The following CX3CL1 variants were observed in gnomAD, a reference collection of about 807,000 sequenced individuals.
CX3CL1 encodes the protein C-X3-C motif chemokine ligand 1.
In CX3CL1, 1 loss-of-function variant was observed where a neutral mutation model predicts 14.1. That is an observed-to-expected ratio of 0.07 (90% CI 0.03 to 0.34). CX3CL1 has a LOEUF of 0.34. Ranked by LOEUF, CX3CL1 falls within the 10% of genes least tolerant of loss-of-function variation. The pLI is 0.99. For missense variants in CX3CL1, 505 were observed against 536.4 expected (o/e 0.94, Z 0.58); for synonymous variants, 255 against 229.6 (o/e 1.11, Z -1.00).
chr16:57,375,197 G>A (rs1274638118), intron 1 of CX3CL1, among the ~76,000 whole-genome samples: 1 of 151,760 alleles, frequency 6.6e-6, no homozygotes, highest in African/African-American at 2.4e-5. Flanking sequence ...GGAGAAGAGA[G>A]GTGTTGACAT....
At chr16:57,376,734 G>C (rs73559231) in intron 1 of CX3CL1, among the ~76,000 whole-genome samples, 2,501 of 152,034 alleles carry the variant, frequency 0.016, 77 homozygotes, top group African/African-American at 0.057. Flanking sequence ...GATAAGAGTG[G>C]GTGGACGGGT....
intron 2 of CX3CL1, among the ~76,000 whole-genome samples, chr16:57,380,385 C>T (rs1029697571): frequency 1.3e-5 from 2 of 152,024 alleles, no homozygotes; most frequent in African/African-American, 4.8e-5. Context: ...CGGTGAAACC[C>T]CATCTCTACT....
At position 57,372,623 on chromosome 16, in the gene CX3CL1, A is replaced by G. The variant is rs1461480949; in HGVS notation, c.55A>G (p.Thr19Ala). 2.5e-6 allele frequency: 4 copies of G among 1,613,480 alleles called. No individual in the cohort carries two copies. The highest frequency in any genetic ancestry group is 3.4e-6 in the Non-Finnish European group (4 of 1,179,934). Residue 19 changes from threonine to alanine, a missense_variant, in exon 1 of 3, where the codon ACT becomes GCT. Physicochemically the swap from Thr to Ala is moderately conservative, Grantham distance 58. Coordinates refer to ENST00000006053, the MANE Select transcript of CX3CL1 (RefSeq NM_002996.6). The stretch of plus-strand genomic sequence containing the variant: ...CCGCTTGGCCACCTTCTGCCATCTG[A>G]CTGTCCTGCTGGCTGGTAAGTGGGG... ...LLRLATFCHL[T>A]VLLAGQHHGV...
At chr16:57,377,710 C>G (rs1400373950) in intron 1 of CX3CL1, 1 of 152,100 alleles carries the variant, frequency 6.6e-6, no homozygotes, top group Non-Finnish European at 1.5e-5. Context: ...GGGGGTTTCC[C>G]AGGCTCTGAA....
At chr16:57,376,240 G>T (rs1267954901) in intron 1 of CX3CL1, among the ~76,000 whole-genome samples, 3 of 152,250 alleles carry the variant, frequency 2.0e-5, no homozygotes, top group Admixed American at 6.5e-5. Flanking sequence ...ACCCAGCACA[G>T]GGCCTGGCAA....
At chr16:57,375,077 T>C (rs1902227867) in intron 1 of CX3CL1, among the ~76,000 whole-genome samples, 1 of 149,990 alleles carries the variant, frequency 6.7e-6, no homozygotes, top group Admixed American at 6.6e-5. Context: ...GAGGCAGAGG[T>C]TGGAGTGAGC....
Position 57,382,350 on chromosome 16 carries a change from CG to C in CX3CL1, c.513del (p.Thr172ArgfsTer257), listed in dbSNP as rs1402014624. 1 of 1,609,894 alleles carries C rather than the reference CG, an allele frequency of 6.2e-7. No homozygotes were observed. Among genetic ancestry groups the C allele is most frequent in the African/African-American group, 1.3e-5 (1 of 74,922 alleles). On this transcript the variant is annotated frameshift_variant, in exon 3 of 3. Transcript: ENST00000006053. LOFTEE classifies it low-confidence loss of function (END_TRUNC). The surrounding 1 kb of genome is among the most constrained non-coding windows in gnomAD (Gnocchi z 6.9). ...GGTTCCTCAGGGACCAGGCTCCCCC[CG>C]ACGCCAAAGGCTCAGGATGGAGGGC... Reference protein sequence around the residue: ...VTGSSGTRLPPTPKAQDGGPV... With the variant: ...VTGSSGTRLPXTPKAQDGGPV...
chr16:57,379,163 C>T (rs1449383828), intron 1 of CX3CL1: 1 of 158,042 alleles, frequency 6.3e-6, no homozygotes, highest in African/African-American at 2.4e-5. Context: ...CCCGTCTCTA[C>T]TAAAAATACA....
intron 1 of CX3CL1, 140 bp downstream of exon 1, chr16:57,372,778 C>T (rs943839695): frequency 4.1e-5 from 31 of 764,620 alleles, no homozygotes; most frequent in Non-Finnish European, 5.3e-5. Context: ...CAGGGATGTG[C>T]GAGAGGGGGC....
chr16:57,373,008 G>A (rs766770344), intron 1 of CX3CL1, among the ~76,000 whole-genome samples: 12 of 152,166 alleles, frequency 7.9e-5, no homozygotes, highest in Admixed American at 2.6e-4. Context: ...GGCTGACAGT[G>A]GCTGGCTCTT....
At position 57,375,765 on chromosome 16, in the gene CX3CL1, T is replaced by C. The variant is rs186136439; in HGVS notation, c.70+3127T>C. ...GACCCTGGAAGACTCTTAGAAGTCC[T>C]TGAGGTCCAGCCTAAAGGAGAATTC... is the stretch of plus-strand genomic sequence containing the variant. On this transcript the variant is annotated intron_variant, in intron 1 of 2. Coordinates refer to ENST00000006053, the MANE Select transcript of CX3CL1 (RefSeq NM_002996.6). 5.0e-3 allele frequency among the ~76,000 whole-genome samples: 760 copies of C among 152,318 alleles called. 7 individuals carry two copies. Among genetic ancestry groups the C allele is most frequent in the Admixed American group, 9.1e-3 (139 of 15,296 alleles).
chr16:57,379,483 G>C, intron 1 of CX3CL1, 151 bp from the exon 2 acceptor site: 3 of 805,834 alleles, frequency 3.7e-6, no homozygotes, highest in Non-Finnish European at 5.7e-6. Flanking sequence ...AAGTTTGGCA[G>C]GGGAGGGAGG....
chr16:57,381,966 C>T (rs1027161890), intron 2 of CX3CL1, 64 bp from the exon 3 acceptor site: 4 of 1,504,622 alleles, frequency 2.7e-6, no homozygotes, highest in South Asian at 2.6e-5. Flanking sequence ...TGTGCCCCCA[C>T]ACCACGCTGG....
At chr16:57,373,451 C>T (rs1482837326) in intron 1 of CX3CL1, among the ~76,000 whole-genome samples, 1 of 152,222 alleles carries the variant, frequency 6.6e-6, no homozygotes, top group Non-Finnish European at 1.5e-5. Flanking sequence ...GATGCACACT[C>T]ACCACCTCTG....
rs1262204511 is a variant in CX3CL1 at position 57,382,597 on chromosome 16, C to A, written c.759C>A (p.Ser253Arg). 3.7e-6 allele frequency: 6 copies of A among 1,613,832 alleles called. No individual in the cohort carries two copies. The highest frequency in any genetic ancestry group is 5.1e-6 in the Non-Finnish European group (6 of 1,179,914). Residue 253 changes from serine to arginine, a missense_variant, in exon 3 of 3, where the codon AGC (serine) becomes AGA (arginine). By Grantham distance (110) the Ser-to-Arg change is moderately radical. Coordinates refer to ENST00000006053, the MANE Select transcript of CX3CL1 (RefSeq NM_002996.6). This position sits in a 1 kb window ranked among gnomAD's most constrained non-coding sequence, Gnocchi z 6.9. Reference protein sequence around the residue: ...EGQRVWGQGQSPRPENSLERE... With the variant: ...EGQRVWGQGQRPRPENSLERE... ...AGCGTGTGTGGGGTCAGGGACAGAG[C>A]CCCAGGCCAGAGAACTCTCTGGAGC...
chr16:57,377,960 A>G (rs2146511238), intron 1 of CX3CL1: 1 of 152,308 alleles, frequency 6.6e-6, no homozygotes, highest in South Asian at 2.1e-4. Flanking sequence ...TTTATATCAA[A>G]TAGTTGGGTT....
At chr16:57,380,732 C>T (rs1454637351) in intron 2 of CX3CL1, among the ~76,000 whole-genome samples, 1 of 152,096 alleles carries the variant, frequency 6.6e-6, no homozygotes, top group East Asian at 1.9e-4. Flanking sequence ...ATCTTGGTCA[C>T]TTGCTCCTCC....
chr16:57,375,345 C>T (rs1051307522), intron 1 of CX3CL1, among the ~76,000 whole-genome samples: 42 of 152,110 alleles, frequency 2.8e-4, no homozygotes, highest in African/African-American at 9.6e-4. Flanking sequence ...GGCCATTTGG[C>T]AATTTCTAGA....
In CX3CL1 at chr16:57,383,027, G is replaced by C. The variant is rs773596059; in HGVS notation, c.1189G>C (p.Val397Leu). 2.0e-6 allele frequency: 3 copies of C among 1,484,638 alleles called. No homozygotes were observed. The highest frequency in any genetic ancestry group is 1.4e-5 in the African/African-American group (1 of 70,930). 92.0% of individuals were successfully genotyped at this position (1,484,638 alleles called of 1,614,324 possible). A position where few individuals can be genotyped will look rare whatever the true frequency, so the allele number is the denominator to read the frequency against. Residue 397 changes from valine to leucine, a missense_variant, in exon 3 of 3, where the codon GTG becomes CTG. Coordinates refer to ENST00000006053, the MANE Select transcript of CX3CL1 (RefSeq NM_002996.6). ...TAGTAATTCATATGTCCTGGTGCCCGTGTGAACTCCTCTGGCCTGTGTCTA... is the reference window on the plus strand; with the variant it reads ...TAGTAATTCATATGTCCTGGTGCCCCTGTGAACTCCTCTGGCCTGTGTCTA... ...CGSNSYVLVP[V>L]
Sources: allele counts gnomAD v4.1 joint callset (sites outside exome capture counted in the v4.1 genomes callset), GRCh38; gene constraint gnomAD v4.1.1; non-coding constraint Gnocchi (gnomAD v3.1); transcripts MANE v1.5; gene names NCBI Gene and HGNC (gene_info 2026-07-23, HGNC 2026-07-21).